Variants in RSPO4 observed in about 807,000 individuals in gnomAD.
RSPO4 encodes R-spondin-4.
A neutral mutation model predicts 24.8 loss-of-function variants in RSPO4; 23 were observed. The ratio of observed to expected loss-of-function variants is 0.93; its 90% CI spans 0.67 to 1.31. The LOEUF (loss-of-function observed/expected upper bound fraction) is 1.31. Among genes scored for constraint, RSPO4 ranks in the 40% most tolerant of loss-of-function variants. RSPO4 has a pLI of 0.00. For synonymous variants in RSPO4, 141 were observed against 127.4 expected (o/e 1.11, Z -0.72); for missense variants, 333 against 316.5 (o/e 1.05, Z -0.39).
At chr20:995,811 G>A (rs978983671) in intron 1 of RSPO4, among the ~76,000 whole-genome samples, 1 of 152,136 alleles carries the variant, frequency 6.6e-6, no homozygotes, top group African/African-American at 2.4e-5. Flanking sequence ...CACAGAAGAT[G>A]GGCTCAGCTG....
chr20:963,295 A>T (rs1320486197), intron 4 of RSPO4, among the ~76,000 whole-genome samples: 3 of 151,938 alleles, frequency 2.0e-5, no homozygotes, highest in Non-Finnish European at 4.4e-5. Flanking sequence ...ATTCTGTTTG[A>T]CTCATGAATA....
Position 1,002,127 on chromosome 20 carries a change from T to C in RSPO4, c.38A>G (p.His13Arg). 3 of 1,565,998 alleles carry C rather than the reference T, an allele frequency of 1.9e-6. No individual in the cohort carries two copies. Among genetic ancestry groups the C allele is most frequent in the Non-Finnish European group, 2.6e-6 (3 of 1,155,144 alleles). Residue 13 changes from histidine to arginine, a missense_variant, in exon 1 of 5, where the codon CAC becomes CGC. His to Arg is a conservative substitution (Grantham distance 29, BLOSUM62 0). Transcript: ENST00000217260. The surrounding 1 kb of genome is among the most constrained non-coding windows in gnomAD (Gnocchi z 4.6). Reference sequence around the variant, plus strand: ...GTTCAGGGCGAGCATGTCCACGGCGTGGGCGACGAGCAGGAGCAGGCAGAG... The same window carrying C: ...GTTCAGGGCGAGCATGTCCACGGCGCGGGCGACGAGCAGGAGCAGGCAGAG... ...APLCLLLLVA[H>R]AVDMLALNRR...
At chr20:991,195 C>T (rs1355955176) in intron 1 of RSPO4, among the ~76,000 whole-genome samples, 1 of 152,202 alleles carries the variant, frequency 6.6e-6, no homozygotes, top group Admixed American at 6.5e-5. Flanking sequence ...CCCACCTCAG[C>T]CCCGTGAGTA....
rs568263430 is a variant in RSPO4, at chr20:962,762, TTCCAGGTCCCTCA to T, written c.595+1160_595+1172del. ...CAGCTGGGTGCCCCGGGTGGCCTGG[TTCCAGGTCCCTCA>T]TCCTTCATCATGACTTTAGATTCCT... On this transcript the variant is annotated intron_variant, in intron 4 of 4. Transcript: ENST00000217260. 1.4e-4 allele frequency among the ~76,000 whole-genome samples: 22 copies of T among 152,314 alleles called. No homozygotes were observed. The East Asian group carries it at 3.9e-3, about 27-fold the overall frequency.
rs997938697 is a variant in RSPO4, at chr20:976,287, CA to C, written c.80-8150del. ...ACCCTTGTCCTCTTTCCCAGGTGAG[CA>C]AACAAAAGCCAGAGATGTTGGTGAG... On this transcript the variant is annotated intron_variant, in intron 1 of 4. Transcript: ENST00000217260. Among the ~76,000 whole-genome samples, 3 of 152,308 alleles carry C rather than the reference CA, an allele frequency of 2.0e-5. 1 individual carries two copies.
chr20:1,002,221 C>A lies in RSPO4; in HGVS notation c.-57G>T, dbSNP rs1359464747. On this transcript the variant is annotated 5_prime_UTR_variant, in exon 1 of 5. Transcript: ENST00000217260. This position sits in a 1 kb window ranked among gnomAD's most constrained non-coding sequence, Gnocchi z 4.6. Reference sequence around the variant, plus strand: ...AGGCGGCCCGACGGCCCAAGGGCCCCACGTCCCGGCGGCGGCACGGCGGGC... The same window carrying A: ...AGGCGGCCCGACGGCCCAAGGGCCCAACGTCCCGGCGGCGGCACGGCGGGC... 4.7e-6 allele frequency: 6 copies of A among 1,278,586 alleles called. No homozygotes were observed. In the East Asian group the frequency reaches 1.7e-4, roughly 36 times the overall value. The allele number at this position is 1,278,586 out of a possible 1,614,324, so 79.2% of individuals were successfully genotyped here.
At position 1,002,289 on chromosome 20, in the gene RSPO4, G is replaced by T. The variant is rs1254755351; in HGVS notation, c.-125C>A. On this transcript the variant is annotated 5_prime_UTR_variant, in exon 1 of 5. Transcript: ENST00000217260. This position sits in a 1 kb window ranked among gnomAD's most constrained non-coding sequence, Gnocchi z 4.6. ...CGCGCCGGGCGCATCCGCCAGGCGC[G>T]GGTCGGTCCGGCCGCCAGGTCTAGT... The T allele has an allele frequency of 2.7e-6, 1 of 365,392 alleles. No individual in the cohort carries two copies. Among genetic ancestry groups the T allele is most frequent in the Non-Finnish European group, 4.1e-6 (1 of 246,326 alleles). The allele number at this position is 365,392 out of a possible 1,614,324, so 22.6% of individuals were successfully genotyped here. A position where few individuals can be genotyped will look rare whatever the true frequency, so the allele number is the denominator to read the frequency against.
intron 4 of RSPO4, among the ~76,000 whole-genome samples, chr20:961,056 C>A (rs1359020723): frequency 3.9e-5 from 6 of 152,214 alleles, no homozygotes; most frequent in South Asian, 2.1e-4. Context: ...TTTCTCTCCA[C>A]CCTTCTATCA....
In RSPO4 at chr20:964,074, G is replaced by A; in HGVS notation, c.456C>T (p.His152=). The A allele has an allele frequency of 1.9e-6, 3 of 1,613,802 alleles. No homozygotes were observed. The highest frequency in any genetic ancestry group is 2.5e-6 in the Non-Finnish European group (3 of 1,180,006). Residue 152 remains histidine (H), a synonymous_variant, in exon 4 of 5, where the codon CAC becomes CAT. Transcript: ENST00000217260. ...GPWGGWSPCT[H]NGKTCGSAWG... Reference sequence around the variant, plus strand: ...AAGCCGAGCCGCAGGTCTTTCCATTGTGTGTGCAGGGGCTCCAGCCGCCCC... The same window carrying A: ...AAGCCGAGCCGCAGGTCTTTCCATTATGTGTGCAGGGGCTCCAGCCGCCCC...
Position 991,941 on chromosome 20 carries a change from T to C in RSPO4, c.79+10145A>G, listed in dbSNP as rs1174838423. On this transcript the variant is annotated intron_variant, in intron 1 of 4. Coordinates refer to ENST00000217260, the MANE Select transcript of RSPO4 (RefSeq NM_001029871.4). ...CAAGGTCTTGCTAGATGGATGCTGATGATGTGCTGTGAATTAAGGAGTCCG... is the reference window on the plus strand; with the variant it reads ...CAAGGTCTTGCTAGATGGATGCTGACGATGTGCTGTGAATTAAGGAGTCCG... 3.9e-5 allele frequency among the ~76,000 whole-genome samples: 6 copies of C among 152,144 alleles called. No homozygotes were observed. In the East Asian group the frequency reaches 7.7e-4, roughly 20 times the overall value.
intron 1 of RSPO4, among the ~76,000 whole-genome samples, chr20:979,628 GGA>G (rs1287149208): frequency 6.6e-6 from 1 of 151,764 alleles, no homozygotes; most frequent in African/African-American, 2.4e-5. Flanking sequence ...CCCTGGGTCT[GGA>G]GAGTTACAGC....
At position 970,852 on chromosome 20, in the gene RSPO4, G is replaced by A. The variant is rs1010856219; in HGVS notation, c.80-2714C>T. On this transcript the variant is annotated intron_variant, in intron 1 of 4. Coordinates refer to ENST00000217260, the MANE Select transcript of RSPO4 (RefSeq NM_001029871.4). The surrounding 1 kb of genome is among the most constrained non-coding windows in gnomAD (Gnocchi z 4.1). The stretch of plus-strand genomic sequence containing the variant: ...GTTAAAAAGTTTTTTTGTTTGTTTT[G>A]TTTTGTTAAGACAGGATCTTGCTCT... 1.5e-4 allele frequency among the ~76,000 whole-genome samples: 23 copies of A among 152,134 alleles called. No individual in the cohort carries two copies. Among genetic ancestry groups the A allele is most frequent in the African/African-American group, 5.5e-4 (23 of 41,494 alleles).
intron 4 of RSPO4, 29 bp downstream of exon 4, chr20:963,906 C>T (rs1460274961): frequency 6.2e-7 from 1 of 1,611,166 alleles, no homozygotes; most frequent in South Asian, 1.1e-5. Flanking sequence ...TTTCCCACCG[C>T]AGCCTCGTGT....
At position 1,002,045 on chromosome 20, in the gene RSPO4, G is replaced by A. The variant is rs1462021732; in HGVS notation, c.79+41C>T. The A allele has an allele frequency of 2.6e-6, 4 of 1,515,222 alleles. No individual in the cohort carries two copies. The highest frequency in any genetic ancestry group is 3.6e-6 in the Non-Finnish European group (4 of 1,118,478). The allele number at this position is 1,515,222 out of a possible 1,614,324, so 93.9% of individuals were successfully genotyped here. On this transcript the variant is annotated intron_variant, in intron 1 of 4. Coordinates refer to ENST00000217260, the MANE Select transcript of RSPO4 (RefSeq NM_001029871.4). The surrounding 1 kb of genome is among the most constrained non-coding windows in gnomAD (Gnocchi z 4.6). Reference sequence around the variant, plus strand: ...GGTCCTCCGGCCCCCGGTCTGCCCCGCAGCGCCTGCCCGGCCGCCCTGCCC... The same window carrying A: ...GGTCCTCCGGCCCCCGGTCTGCCCCACAGCGCCTGCCCGGCCGCCCTGCCC...
intron 1 of RSPO4, among the ~76,000 whole-genome samples, chr20:974,549 G>A (rs1041189132): frequency 6.6e-6 from 1 of 152,196 alleles, no homozygotes. Flanking sequence ...ACTTAACCTG[G>A]GCTTGGCCAA....
In RSPO4 at chr20:997,653, G is replaced by A. The variant is rs187765205; in HGVS notation, c.79+4433C>T. Among the ~76,000 whole-genome samples the A allele has an allele frequency of 2.0e-4, 31 of 152,248 alleles. No individual in the cohort carries two copies. In the East Asian group the frequency reaches 4.2e-3, roughly 21 times the overall value. On this transcript the variant is annotated intron_variant, in intron 1 of 4. Transcript: ENST00000217260. ...TACTTTGTTCGTGCCCAGCGATGGC[G>A]CCTGCTTGCCCAGGGCCTGGTGCAT...
rs573368047 is a variant in RSPO4 at position 974,911 on chromosome 20, T to C, written c.80-6773A>G. 7.2e-5 allele frequency among the ~76,000 whole-genome samples: 11 copies of C among 152,272 alleles called. No individual in the cohort carries two copies. In the East Asian group the frequency reaches 2.1e-3, roughly 29 times the overall value. ...TTTTCTGTCACTTGCAACCAGATGA[T>C]TCCCGACTAATACAGAAGTAGAGAG... is the stretch of plus-strand genomic sequence containing the variant. On this transcript the variant is annotated intron_variant, in intron 1 of 4. Coordinates refer to ENST00000217260, the MANE Select transcript of RSPO4 (RefSeq NM_001029871.4).
chr20:974,192 T>G (rs1423434136), intron 1 of RSPO4, among the ~76,000 whole-genome samples: 2 of 152,206 alleles, frequency 1.3e-5, no homozygotes, highest in African/African-American at 4.8e-5. Flanking sequence ...GGGCCAGGAA[T>G]GTGCACTTTA....
rs148692702 is a variant in RSPO4, at chr20:992,651, T to C, written c.79+9435A>G. The stretch of plus-strand genomic sequence containing the variant: ...AGGTAGATGCTCTTATTGTCCCCAT[T>C]GTATTGACAGACAACATCGAGATTC... On this transcript the variant is annotated intron_variant, in intron 1 of 4. Coordinates refer to ENST00000217260, the MANE Select transcript of RSPO4 (RefSeq NM_001029871.4). Among the ~76,000 whole-genome samples, 7 of 152,170 alleles carry C rather than the reference T, an allele frequency of 4.6e-5. No individual in the cohort carries two copies. The East Asian group carries it at 1.4e-3, about 29-fold the overall frequency.
Sources: allele counts gnomAD v4.1 joint callset (sites outside exome capture counted in the v4.1 genomes callset), GRCh38; gene constraint gnomAD v4.1.1; non-coding constraint Gnocchi (gnomAD v3.1); transcripts MANE v1.5; gene names NCBI Gene and HGNC (gene_info 2026-07-23, HGNC 2026-07-21).